PDE7B: variants seen among roughly 807,000 people sequenced by gnomAD.
PDE7B encodes phosphodiesterase 7B.
A neutral mutation model predicts 56.2 loss-of-function variants in PDE7B; 29 were observed. That is an observed-to-expected ratio of 0.52 (90% CI 0.38 to 0.70). The LOEUF (loss-of-function observed/expected upper bound fraction) is 0.70, where lower values mean the gene tolerates loss of function less well. Among genes scored for constraint, PDE7B ranks in the 30% least tolerant of loss-of-function variants. The probability of loss-of-function intolerance (pLI) is 0.00; values close to 1 mark genes in which losing one functional copy is unlikely to be tolerated. For synonymous variants in PDE7B, 197 were observed against 196.9 expected (o/e 1.00, Z 0.00); for missense variants, 490 against 565.0 (o/e 0.87, Z 1.35).
intron 1 of PDE7B, among the ~76,000 whole-genome samples, chr6:135,861,107 G>C (rs563615616): frequency 6.6e-6 from 1 of 151,692 alleles, no homozygotes; most frequent in Admixed American, 6.6e-5. Context: ...CTGAATACAC[G>C]GTATTTACCA....
intron 5 of PDE7B, 49 bp from the exon 6 acceptor site, chr6:136,151,110 AT>A (rs756401766): frequency 1.1e-6 from 1 of 913,472 alleles, no homozygotes; most frequent in East Asian, 2.4e-5. Context: ...CAATCTTGAT[AT>A]TTTAGTGGTG....
chr6:136,059,085 T>C (rs566774330), intron 2 of PDE7B, among the ~76,000 whole-genome samples: 31 of 152,338 alleles, frequency 2.0e-4, no homozygotes, highest in African/African-American at 7.2e-4. Context: ...AGTTGACCTG[T>C]GCTTTGGGCC....
intron 1 of PDE7B, among the ~76,000 whole-genome samples, chr6:135,855,829 C>T (rs903223123): frequency 6.6e-5 from 10 of 152,080 alleles, no homozygotes; most frequent in South Asian, 2.1e-4. Flanking sequence ...TGAACACTGG[C>T]GCAAGGTGGT....
At chr6:135,888,120 T>C (rs935864285) in intron 1 of PDE7B, among the ~76,000 whole-genome samples, 7 of 152,186 alleles carry the variant, frequency 4.6e-5, no homozygotes, top group African/African-American at 1.7e-4. Context: ...CTTTTGCCTA[T>C]ATTATCCCAC....
At chr6:135,926,308 C>CG (rs1303828385) in intron 1 of PDE7B, among the ~76,000 whole-genome samples, 2 of 152,108 alleles carry the variant, frequency 1.3e-5, no homozygotes, top group East Asian at 3.9e-4. Context: ...AGGATGGTCT[C>CG]AATCTCCTGA....
intron 2 of PDE7B, among the ~76,000 whole-genome samples, chr6:136,040,469 T>C (rs1776395026): frequency 6.6e-6 from 1 of 152,234 alleles, no homozygotes; most frequent in Admixed American, 6.5e-5. Context: ...ATCCTATTCC[T>C]GATGCTGCAT....
At chr6:136,103,564 G>T (rs1283041174) in intron 2 of PDE7B, among the ~76,000 whole-genome samples, 1 of 152,200 alleles carries the variant, frequency 6.6e-6, no homozygotes, top group Non-Finnish European at 1.5e-5. Context: ...GCAGTGACAT[G>T]AATTAGTAAT....
intron 2 of PDE7B, among the ~76,000 whole-genome samples, chr6:136,007,515 A>G (rs1462951444): frequency 2.6e-5 from 4 of 152,120 alleles, no homozygotes; most frequent in Non-Finnish European, 5.9e-5. Context: ...GACACCCTCA[A>G]TAAGTTACTT....
At chr6:136,188,690 G>A (rs1241172131) in intron 12 of PDE7B, among the ~76,000 whole-genome samples, 1 of 152,178 alleles carries the variant, frequency 6.6e-6, no homozygotes, top group Non-Finnish European at 1.5e-5. Context: ...TCCTGTTGTT[G>A]TCATGAGAAC....
chr6:135,995,241 A>G (rs189175045), intron 2 of PDE7B, among the ~76,000 whole-genome samples: 1 of 143,906 alleles, frequency 6.9e-6, no homozygotes, highest in Admixed American at 7.3e-5. Flanking sequence ...TACCACCGCT[A>G]CTCAGTCCAT....
chr6:135,872,839 C>T (rs553920147), intron 1 of PDE7B, among the ~76,000 whole-genome samples: 15 of 152,202 alleles, frequency 9.9e-5, no homozygotes, highest in Non-Finnish European at 2.2e-4. Context: ...CCTTGGAAAA[C>T]ATAACCTTAT....
At chr6:135,981,838 A>T (rs900859112) in intron 2 of PDE7B, among the ~76,000 whole-genome samples, 1 of 151,880 alleles carries the variant, frequency 6.6e-6, no homozygotes, top group Non-Finnish European at 1.5e-5. Context: ...CACCAATAAC[A>T]TAGTTGTTTA....
At chr6:135,933,784 G>C (rs1241182861) in intron 1 of PDE7B, among the ~76,000 whole-genome samples, 2 of 152,112 alleles carry the variant, frequency 1.3e-5, no homozygotes, top group African/African-American at 4.8e-5. Flanking sequence ...AATGAAGTAT[G>C]ATCTTCAAGA....
At chr6:135,961,345 CA>C (rs1774898678) in intron 2 of PDE7B, among the ~76,000 whole-genome samples, 3 of 147,422 alleles carry the variant, frequency 2.0e-5, no homozygotes, top group African/African-American at 2.5e-5. Context: ...AAAAGTTTTC[CA>C]AACTGGCTAT....
chr6:136,016,153 A>C (rs1257509300), intron 2 of PDE7B, among the ~76,000 whole-genome samples: 2 of 152,208 alleles, frequency 1.3e-5, no homozygotes, highest in Admixed American at 6.5e-5. Context: ...AATACGTAGG[A>C]AAGTATAAAA....
chr6:135,997,413 CAAAAAAAAAAAAAAAAAAAAAAAAA>C (rs59388049), intron 2 of PDE7B, among the ~76,000 whole-genome samples: 2 of 10,706 alleles, frequency 1.9e-4, no homozygotes, highest in Non-Finnish European at 4.6e-4. Flanking sequence ...GACCCTGTCT[CAAAAAAAAAAAAAAAAAAAAAAAAA>C]AAAAAAAAAA....
chr6:136,108,803 G>A lies in PDE7B; in HGVS notation c.155G>A (p.Arg52His), dbSNP rs760181083. The change falls in exon 3 of 13, where the codon CGC (arginine) becomes CAC (histidine). Residue 52 changes from arginine (R) to histidine (H), a missense_variant. Physicochemically the swap from Arg to His is conservative, Grantham distance 29 (BLOSUM62 0). Transcript: ENST00000308191. ...GGCTCCTACCCATTCATTGACTTCCGCCTACTTAACAGTGAGTAATCAAGT... is the reference window on the plus strand; with the variant it reads ...GGCTCCTACCCATTCATTGACTTCCACCTACTTAACAGTGAGTAATCAAGT... The part of the protein sequence containing the change: ...RRGSYPFIDF[R>H]LLNSTTYSGE... 10 of 1,593,786 alleles carry A rather than the reference G, an allele frequency of 6.3e-6. No individual in the cohort carries two copies. Among genetic ancestry groups the A allele is most frequent in the South Asian group, 5.5e-5 (5 of 90,670 alleles).
intron 1 of PDE7B, among the ~76,000 whole-genome samples, chr6:135,903,354 G>T (rs1052388747): frequency 6.6e-6 from 1 of 152,144 alleles, no homozygotes; most frequent in Non-Finnish European, 1.5e-5. Context: ...CTTGGTAAAG[G>T]CTTGAGTTCT....
At position 136,184,448 on chromosome 6, in the gene PDE7B, A is replaced by G. The variant is rs577057117; in HGVS notation, c.1046-2588A>G. On this transcript the variant is annotated intron_variant, in intron 11 of 12. Transcript: ENST00000308191. Reference sequence around the variant, plus strand: ...AGACACATGTGACTGGTTAAATTTAAATTAAAAGTTAATAAATAAAAAATA... The same window carrying G: ...AGACACATGTGACTGGTTAAATTTAGATTAAAAGTTAATAAATAAAAAATA... Among the ~76,000 whole-genome samples the G allele has an allele frequency of 5.3e-5, 8 of 152,324 alleles. No homozygotes were observed. The South Asian group carries it at 1.7e-3, about 32-fold the overall frequency.
Sources: allele counts gnomAD v4.1 joint callset (sites outside exome capture counted in the v4.1 genomes callset), GRCh38; gene constraint gnomAD v4.1.1; transcripts MANE v1.5; gene names NCBI Gene and HGNC (gene_info 2026-07-23, HGNC 2026-07-21).